The following KMT2C variants were observed in gnomAD, a reference collection of about 807,000 sequenced individuals.
KMT2C encodes the protein histone-lysine N-methyltransferase 2C.
KMT2C carries 88 observed loss-of-function variants against 507.9 expected under a neutral mutation model. The observed-to-expected ratio is 0.17, with a 90% CI of 0.15 to 0.21. KMT2C has a LOEUF of 0.21. Among genes scored for constraint, KMT2C ranks in the 10% least tolerant of loss-of-function variants. KMT2C has a pLI of 1.00. For synonymous variants in KMT2C, 2,049 were observed against 2,080.8 expected (o/e 0.98, Z 0.42); for missense variants, 4,954 against 5,957.8 (o/e 0.83, Z 5.55).
chr7:152,348,642 A>G (rs1372139673), intron 2 of KMT2C, among the ~76,000 whole-genome samples: 2 of 151,542 alleles, frequency 1.3e-5, no homozygotes, highest in Non-Finnish European at 2.9e-5. Flanking sequence ...AGAAAGAAAA[A>G]AAGCATAGGG....
At chr7:152,178,343 G>A (rs17173366) in intron 37 of KMT2C, among the ~76,000 whole-genome samples, 4,401 of 152,140 alleles carry the variant, frequency 0.029, 215 homozygotes, top group African/African-American at 0.1. Flanking sequence ...GACTTTTTCA[G>A]GAAGAGTTTC....
At chr7:152,339,614 C>T (rs1279513318) in intron 2 of KMT2C, among the ~76,000 whole-genome samples, 1 of 151,940 alleles carries the variant, frequency 6.6e-6, no homozygotes, top group Non-Finnish European at 1.5e-5. Flanking sequence ...GAAAAAGAGT[C>T]CATGGATTAC....
intron 7 of KMT2C, among the ~76,000 whole-genome samples, chr7:152,271,534 G>A (rs2129176602): frequency 6.6e-6 from 1 of 152,078 alleles, no homozygotes; most frequent in African/African-American, 2.4e-5. Flanking sequence ...TTAGCCGGGT[G>A]TGATGGTATG....
intron 23 of KMT2C, among the ~76,000 whole-genome samples, chr7:152,210,268 C>T (rs539494664): frequency 5.3e-5 from 8 of 152,292 alleles, no homozygotes; most frequent in Non-Finnish European, 8.8e-5. Flanking sequence ...ACCAAATGGT[C>T]AGCACAAATC....
intron 2 of KMT2C, among the ~76,000 whole-genome samples, chr7:152,333,212 T>G (rs1436158437): frequency 6.6e-6 from 1 of 152,046 alleles, no homozygotes; most frequent in Non-Finnish European, 1.5e-5. Flanking sequence ...AGTAGTATGA[T>G]CATTCGCATT....
intron 28 of KMT2C, chr7:152,195,543 C>T (rs1164608564): frequency 1.0e-6 from 1 of 985,138 alleles, no homozygotes; most frequent in Non-Finnish European, 1.2e-6. Context: ...GGTGAGCTCT[C>T]AACCTGGAAA....
chr7:152,395,849 G>A (rs1465767094), intron 1 of KMT2C, among the ~76,000 whole-genome samples: 1 of 152,068 alleles, frequency 6.6e-6, no homozygotes, highest in Non-Finnish European at 1.5e-5. Flanking sequence ...CCTATCACCA[G>A]TATTTTCCCC....
At chr7:152,266,323 T>C (rs1193819412) in intron 7 of KMT2C, among the ~76,000 whole-genome samples, 3 of 151,994 alleles carry the variant, frequency 2.0e-5, no homozygotes, top group African/African-American at 7.2e-5. Context: ...CGGCTTACTG[T>C]AACCTCCGCC....
chr7:152,351,923 C>G (rs192167396), intron 2 of KMT2C, among the ~76,000 whole-genome samples: 20 of 152,244 alleles, frequency 1.3e-4, no homozygotes, highest in Admixed American at 1.2e-3. Context: ...TGTGTTTGAA[C>G]TATATGAAAT....
At chr7:152,334,090 A>C (rs192092093) in intron 2 of KMT2C, among the ~76,000 whole-genome samples, 2,220 of 150,892 alleles carry the variant, frequency 0.015, 46 homozygotes, top group African/African-American at 0.046. Flanking sequence ...ATCCCCCCCC[A>C]AAAAAAAAGG....
chr7:152,204,422 C>T (rs1257228930), intron 25 of KMT2C, among the ~76,000 whole-genome samples: 1 of 152,122 alleles, frequency 6.6e-6, no homozygotes, highest in Non-Finnish European at 1.5e-5. Context: ...AAGTGAGACC[C>T]TGTCTTTGCA....
At position 152,337,717 on chromosome 7, in the gene KMT2C, A is replaced by G. The variant is rs2053753618; in HGVS notation, c.251-6978T>C. On this transcript the variant is annotated intron_variant, in intron 2 of 58. Transcript: ENST00000262189. ...ATAAAACTGTCTTTATGATCCAAAA[A>G]TAAAAAAAAAAGAACGCATGAAAAG... Among the ~76,000 whole-genome samples the G allele has an allele frequency of 2.6e-5, 4 of 152,148 alleles. No homozygotes were observed. The South Asian group carries it at 8.3e-4, about 32-fold the overall frequency.
chr7:152,187,147 T>G, intron 33 of KMT2C, 115 bp downstream of exon 33: 1 of 742,664 alleles, frequency 1.3e-6, no homozygotes, highest in Non-Finnish European at 2.3e-6. Context: ...CTTCATGTTG[T>G]GGGTCATCAT....
intron 1 of KMT2C, among the ~76,000 whole-genome samples, chr7:152,421,183 C>A (rs2116733114): frequency 6.6e-6 from 1 of 152,036 alleles, no homozygotes; most frequent in Non-Finnish European, 1.5e-5. Flanking sequence ...AAATCAAAAC[C>A]ACAATGAGAT....
At chr7:152,345,432 A>G (rs1235945205) in intron 2 of KMT2C, among the ~76,000 whole-genome samples, 1 of 152,232 alleles carries the variant, frequency 6.6e-6, no homozygotes, top group Admixed American at 6.5e-5. Flanking sequence ...ATACAGTGAG[A>G]TTCTGTCTCT....
At chr7:152,300,409 T>C (rs2096555737) in intron 6 of KMT2C, among the ~76,000 whole-genome samples, 2 of 152,214 alleles carry the variant, frequency 1.3e-5, no homozygotes, top group African/African-American at 4.8e-5. Flanking sequence ...TCACACATGC[T>C]AGGCAGAGAG....
At chr7:152,295,995 G>A (rs1029468532) in intron 6 of KMT2C, among the ~76,000 whole-genome samples, 3 of 144,088 alleles carry the variant, frequency 2.1e-5, no homozygotes, top group Non-Finnish European at 3.0e-5. Flanking sequence ...GTGAACCCAG[G>A]AGACAGAGCT....
intron 1 of KMT2C, among the ~76,000 whole-genome samples, chr7:152,379,122 C>G (rs1483018263): frequency 6.6e-6 from 1 of 152,202 alleles, no homozygotes; most frequent in East Asian, 1.9e-4. Flanking sequence ...CCCAACACCA[C>G]TGAAACTTTT....
At chr7:152,229,655 G>T (rs1193365703) in intron 18 of KMT2C, among the ~76,000 whole-genome samples, 1 of 152,024 alleles carries the variant, frequency 6.6e-6, no homozygotes, top group Non-Finnish European at 1.5e-5. Context: ...TAAAATCTTT[G>T]TGAATACTAT....
Sources: gnomAD v4.1 joint callset for allele counts (sites outside exome capture counted in the v4.1 genomes callset) on GRCh38, gnomAD v4.1.1 for gene constraint, MANE v1.5 for transcripts, NCBI Gene and HGNC (gene_info 2026-07-23, HGNC 2026-07-21) for gene names.